PRAMEF12: variants seen among roughly 807,000 people sequenced by gnomAD.
PRAMEF12 encodes the protein PRAME family member 12.
A neutral mutation model predicts 24.6 loss-of-function variants in PRAMEF12; 24 were observed. The observed-to-expected ratio is 0.98, with a 90% confidence interval of 0.71 to 1.37. The LOEUF (loss-of-function observed/expected upper bound fraction) is 1.37, where lower values mean the gene tolerates loss of function less well. PRAMEF12 is among the 40% of genes most tolerant of loss of function. The pLI is 0.00. For synonymous variants in PRAMEF12, 286 were observed against 242.6 expected (o/e 1.18, Z -1.66); for missense variants, 646 against 580.3 (o/e 1.11, Z -1.16).
In PRAMEF12 at chr1:12,774,962, C is replaced by T. The variant is rs751269579; in HGVS notation, c.95C>T (p.Pro32Leu). 52 of 1,613,924 alleles carry T rather than the reference C, an allele frequency of 3.2e-5. No homozygotes were observed. The highest frequency in any genetic ancestry group is 4.2e-5 in the Non-Finnish European group (49 of 1,180,004). Residue 32 changes from proline to leucine, a missense_variant, in exon 1 of 3, where the codon CCC becomes CTC. Pro to Leu is a moderately conservative substitution (Grantham distance 98). Transcript: ENST00000357726. ...GCCATCCCCACCCTGGAGGAGCTGC[C>T]CAGGGAGCTCTTTCCCCCACTGTTC... is the stretch of plus-strand genomic sequence containing the variant. Reference protein sequence around the residue: ...ALAIPTLEELPRELFPPLFME... With the variant: ...ALAIPTLEELLRELFPPLFME...
Position 12,777,326 on chromosome 1 carries a change from G to T in PRAMEF12, c.1179G>T (p.Leu393=), listed in dbSNP as rs775731012. ...GGAACCTCATCTCCATGGCCGCCCT[G>T]GAGAACCTGCTGCGCCACACCGTCG... ...FCGNLISMAA[L]ENLLRHTVGL... Residue 393 remains leucine, a synonymous_variant, in exon 3 of 3, where the codon CTG becomes CTT. Coordinates refer to ENST00000357726, the MANE Select transcript of PRAMEF12 (RefSeq NM_001080830.5). The T allele has an allele frequency of 1.6e-5, 26 of 1,613,064 alleles. No homozygotes were observed. The Admixed American group carries it at 2.0e-4, about 12-fold the overall frequency.
At chr1:12,775,490 TA>T (rs1292897052) in intron 1 of PRAMEF12, 52 bp from the exon 2 acceptor site, 7 of 1,506,780 alleles carry the variant, frequency 4.6e-6, no homozygotes, top group Non-Finnish European at 5.4e-6. Flanking sequence ...GGGATGTGGA[TA>T]AAAGCTCAAA....
rs1213854854 is a variant in PRAMEF12 at position 12,775,585 on chromosome 1, G to T, written c.330G>T (p.Glu110Asp). 1.2e-6 allele frequency: 2 copies of T among 1,613,450 alleles called. No individual in the cohort carries two copies. Among genetic ancestry groups the T allele is most frequent in the Admixed American group, 3.3e-5 (2 of 59,982 alleles). The change falls in exon 2 of 3, where the codon GAG (glutamate) becomes GAT (aspartate). Residue 110 changes from glutamate to aspartate, a missense_variant. Glu to Asp is a conservative substitution (Grantham distance 45, BLOSUM62 2). Coordinates refer to ENST00000357726, the MANE Select transcript of PRAMEF12 (RefSeq NM_001080830.5). ...TGTTGGACTTGCGGAATGTGGATGAGAACTTCTGGGGCATATGGTCTGGAG... is the reference window on the plus strand; with the variant it reads ...TGTTGGACTTGCGGAATGTGGATGATAACTTCTGGGGCATATGGTCTGGAG... Reference protein sequence around the residue: ...LQVLDLRNVDENFWGIWSGAS... With the variant: ...LQVLDLRNVDDNFWGIWSGAS...
rs756470250 is a variant in PRAMEF12, at chr1:12,774,960, G to T, written c.93G>T (p.Leu31=). ...TGGCCATCCCCACCCTGGAGGAGCT[G>T]CCCAGGGAGCTCTTTCCCCCACTGT... ...RALAIPTLEE[L]PRELFPPLFM... is the part of the protein sequence containing the mutation. Residue 31 remains leucine, a synonymous_variant, in exon 1 of 3, where the codon CTG becomes CTT. Coordinates refer to ENST00000357726, the MANE Select transcript of PRAMEF12 (RefSeq NM_001080830.5). 2 of 1,614,092 alleles carry T rather than the reference G, an allele frequency of 1.2e-6. No individual in the cohort carries two copies. Among genetic ancestry groups the T allele is most frequent in the Non-Finnish European group, 1.7e-6 (2 of 1,180,004 alleles).
At position 12,777,558 on chromosome 1, in the gene PRAMEF12, C is replaced by T; in HGVS notation, c.1411C>T (p.His471Tyr). Residue 471 changes from histidine (H) to tyrosine (Y), a missense_variant, in exon 3 of 3, where the codon CAC (histidine) becomes TAC (tyrosine). His to Tyr is a moderately conservative substitution (Grantham distance 83). Transcript: ENST00000357726. ...IRASYDLEPS[H>Y]CLLNACCQGG... ...GGCCTCCTATGACCTGGAGCCCAGT[C>T]ACTGTCTGTTGAATGCCTGCTGTCA... 1 of 1,614,024 alleles carries T rather than the reference C, an allele frequency of 6.2e-7. No homozygotes were observed. Among genetic ancestry groups the T allele is most frequent in the Non-Finnish European group, 8.5e-7 (1 of 1,179,992 alleles).
In PRAMEF12 at chr1:12,774,736, A is replaced by G; in HGVS notation, c.-132A>G. 1.2e-6 allele frequency: 1 copy of G among 840,676 alleles called. No individual in the cohort carries two copies. The highest frequency in any genetic ancestry group is 1.9e-5 in the South Asian group (1 of 54,036). The allele number at this position is 840,676 out of a possible 1,614,324, so 52.1% of individuals were successfully genotyped here. A position where few individuals can be genotyped will look rare whatever the true frequency, so the allele number is the denominator to read the frequency against. ...GGCAGAATTACAGATTTGTGTCCAG[A>G]AAGTGCAGAGTGGAATTGGGGTGAA... On this transcript the variant is annotated 5_prime_UTR_variant, in exon 1 of 3. Transcript: ENST00000357726.
rs759618633 is a variant in PRAMEF12 at position 12,777,256 on chromosome 1, C to A, written c.1109C>A (p.Pro370His). The A allele has an allele frequency of 6.2e-7, 1 of 1,612,504 alleles. No homozygotes were observed. Among genetic ancestry groups the A allele is most frequent in the South Asian group, 1.1e-5 (1 of 91,002 alleles). The change falls in exon 3 of 3, where the codon CCT becomes CAT. Residue 370 changes from proline (P) to histidine (H), a missense_variant. Transcript: ENST00000357726. ...IVDSQLSAIL[P>H]ALSRCSQLST... ...GATTCCCAACTCAGCGCCATCCTGC[C>A]TGCCCTGAGCCGCTGCTCCCAGCTC...
In PRAMEF12 at chr1:12,775,840, G is replaced by T. The variant is rs768871029; in HGVS notation, c.585G>T (p.Glu195Asp). The T allele has an allele frequency of 9.9e-6, 16 of 1,613,940 alleles. No individual in the cohort carries two copies. The highest frequency in any genetic ancestry group is 2.2e-5 in the East Asian group (1 of 44,870). The change falls in exon 2 of 3, where the codon GAG becomes GAT. Residue 195 changes from glutamate to aspartate, a missense_variant. Glu to Asp is a conservative substitution (Grantham distance 45). Transcript: ENST00000357726. The stretch of plus-strand genomic sequence containing the variant: ...GAATAGCCATCCACAGGATCATAGA[G>T]GTCCTGAACACGGTGGAGCTAGACT... The part of the protein sequence containing the change: ...IFGIAIHRII[E>D]VLNTVELDCI...
chr1:12,777,038 C>A lies in PRAMEF12; in HGVS notation c.891C>A (p.Val297=). 2 of 1,608,498 alleles carry A rather than the reference C, an allele frequency of 1.2e-6. No individual in the cohort carries two copies. Among genetic ancestry groups the A allele is most frequent in the Non-Finnish European group, 8.5e-7 (1 of 1,177,132 alleles). ...LRCLQAPLET[V]VMTECLLSES... is the part of the protein sequence containing the mutation. ...GTCTCCAGGCCCCCTTGGAGACAGT[C>A]GTAATGACCGAATGCCTGCTGTCAG... The change falls in exon 3 of 3, where the codon GTC becomes GTA. Residue 297 remains valine, a synonymous_variant. Coordinates refer to ENST00000357726, the MANE Select transcript of PRAMEF12 (RefSeq NM_001080830.5).
Position 12,775,924 on chromosome 1 carries a change from C to G in PRAMEF12, c.669C>G (p.Ala223=), listed in dbSNP as rs752435970. 2.5e-5 allele frequency: 41 copies of G among 1,613,960 alleles called. No individual in the cohort carries two copies. Among genetic ancestry groups the G allele is most frequent in the Non-Finnish European group, 3.4e-5 (40 of 1,180,036 alleles). The change falls in exon 2 of 3, where the codon GCC becomes GCG. Residue 223 remains alanine (A), a synonymous_variant. Coordinates refer to ENST00000357726, the MANE Select transcript of PRAMEF12 (RefSeq NM_001080830.5). ...PWELSILIRF[A]PYLGQMRNLR... ...AGCTGTCCATTCTTATAAGGTTCGCCCCTTACCTGGGCCAGATGAGGAATC... is the reference window on the plus strand; with the variant it reads ...AGCTGTCCATTCTTATAAGGTTCGCGCCTTACCTGGGCCAGATGAGGAATC...
intron 2 of PRAMEF12, among the ~76,000 whole-genome samples, chr1:12,776,669 C>T (rs1411486350): frequency 6.6e-6 from 1 of 152,092 alleles, no homozygotes; most frequent in Non-Finnish European, 1.5e-5. Context: ...GTCAGGGTCT[C>T]CTGCAGCCTG....
rs553503544 is a variant in PRAMEF12 at position 12,774,991 on chromosome 1, G to A, written c.124G>A (p.Glu42Lys). ...PRELFPPLFM[E>K]AFTRRCCETL... ...GGAGCTCTTTCCCCCACTGTTCATGGAGGCCTTTACCAGGAGATGCTGCGA... is the reference window on the plus strand; with the variant it reads ...GGAGCTCTTTCCCCCACTGTTCATGAAGGCCTTTACCAGGAGATGCTGCGA... The change falls in exon 1 of 3, where the codon GAG becomes AAG. Residue 42 changes from glutamate to lysine, a missense_variant. Glu to Lys is a moderately conservative substitution (Grantham distance 56). Coordinates refer to ENST00000357726, the MANE Select transcript of PRAMEF12 (RefSeq NM_001080830.5). The A allele has an allele frequency of 6.2e-7, 1 of 1,614,096 alleles. No homozygotes were observed. The highest frequency in any genetic ancestry group is 8.5e-7 in the Non-Finnish European group (1 of 1,180,012).
Position 12,774,722 on chromosome 1 carries a change from A to G in PRAMEF12, c.-146A>G, listed in dbSNP as rs1420453772. The G allele has an allele frequency of 5.4e-6, 4 of 746,038 alleles. No homozygotes were observed. The highest frequency in any genetic ancestry group is 8.6e-6 in the Non-Finnish European group (4 of 465,518). 46.2% of individuals were successfully genotyped at this position (746,038 alleles called of 1,614,324 possible). On this transcript the variant is annotated 5_prime_UTR_variant, in exon 1 of 3. Coordinates refer to ENST00000357726, the MANE Select transcript of PRAMEF12 (RefSeq NM_001080830.5). Reference sequence around the variant, plus strand: ...ATGGTACCAGCAAGGGCAGAATTACAGATTTGTGTCCAGAAAGTGCAGAGT... The same window carrying G: ...ATGGTACCAGCAAGGGCAGAATTACGGATTTGTGTCCAGAAAGTGCAGAGT...
chr1:12,777,778 C>A lies in PRAMEF12; in HGVS notation c.*179C>A, dbSNP rs192122324. On this transcript the variant is annotated 3_prime_UTR_variant, in exon 3 of 3. Transcript: ENST00000357726. ...CAATAGGAGCTTTAGAGACCTGTGT[C>A]CCAGAGAATCAGAAATGGGAATCTG... The A allele has an allele frequency of 4.4e-6, 3 of 674,994 alleles. No individual in the cohort carries two copies. In the East Asian group the frequency reaches 8.2e-5, roughly 18 times the overall value. 41.8% of individuals were successfully genotyped at this position (674,994 alleles called of 1,614,324 possible).
Position 12,775,669 on chromosome 1 carries a change from G to C in PRAMEF12, c.414G>C (p.Arg138Ser). Residue 138 changes from arginine to serine, a missense_variant, in exon 2 of 3, where the codon AGG becomes AGC. By Grantham distance (110) the Arg-to-Ser change is moderately radical. Coordinates refer to ENST00000357726, the MANE Select transcript of PRAMEF12 (RefSeq NM_001080830.5). Reference protein sequence around the residue: ...SKRRTAGNCPRPGGQQPLMVI... With the variant: ...SKRRTAGNCPSPGGQQPLMVI... ...GACGAACAGCAGGGAACTGTCCAAG[G>C]CCGGGTGGGCAGCAGCCCTTGATGG... The C allele has an allele frequency of 6.2e-7, 1 of 1,613,950 alleles. No individual in the cohort carries two copies. Among genetic ancestry groups the C allele is most frequent in the Non-Finnish European group, 8.5e-7 (1 of 1,179,992 alleles).
Position 12,777,114 on chromosome 1 carries a change from G to A in PRAMEF12, c.967G>A (p.Glu323Lys), listed in dbSNP as rs1383590063. 1 of 1,614,026 alleles carries A rather than the reference G, an allele frequency of 6.2e-7. No individual in the cohort carries two copies. The highest frequency in any genetic ancestry group is 8.5e-7 in the Non-Finnish European group (1 of 1,180,012). The change falls in exon 3 of 3, where the codon GAG becomes AAG. Residue 323 changes from glutamate (E) to lysine (K), a missense_variant. Glu to Lys is a moderately conservative substitution (Grantham distance 56). Transcript: ENST00000357726. ...GTGCCCGAGCATCCGTCAGCTAAAA[G>A]AGCTAGACCTGAGGGGCATCACACT... ...SWCPSIRQLK[E>K]LDLRGITLTH...
At position 12,775,789 on chromosome 1, in the gene PRAMEF12, G is replaced by A. The variant is rs976100660; in HGVS notation, c.534G>A (p.Val178=). 1.1e-5 allele frequency: 18 copies of A among 1,613,918 alleles called. No homozygotes were observed. Among genetic ancestry groups the A allele is most frequent in the Non-Finnish European group, 1.5e-5 (18 of 1,179,992 alleles). Residue 178 remains valine (V), a synonymous_variant, in exon 2 of 3, where the codon GTG becomes GTA. Coordinates refer to ENST00000357726, the MANE Select transcript of PRAMEF12 (RefSeq NM_001080830.5). ...WGKQRKGLLH[V]CCKELQIFGI... is the part of the protein sequence containing the mutation. ...AGCAGAGAAAAGGCTTACTGCACGT[G>A]TGTTGCAAGGAGCTGCAGATTTTTG...
chr1:12,776,781 C>A (rs958424061), intron 2 of PRAMEF12, among the ~76,000 whole-genome samples: 2 of 152,094 alleles, frequency 1.3e-5, no homozygotes, highest in Admixed American at 6.6e-5. Context: ...CTACCTGACA[C>A]ATGAGGAAAG....
chr1:12,775,706 C>A lies in PRAMEF12; in HGVS notation c.451C>A (p.Leu151Ile). 1.2e-6 allele frequency: 2 copies of A among 1,613,822 alleles called. No individual in the cohort carries two copies. ...GQQPLMVILDLCFKNGTLDEC... is the reference protein window; with the variant it reads ...GQQPLMVILDICFKNGTLDEC... ...GCAGCCCTTGATGGTGATCCTAGAC[C>A]TTTGCTTCAAGAATGGGACGCTGGA... Residue 151 changes from leucine (L) to isoleucine (I), a missense_variant, in exon 2 of 3, where the codon CTT (leucine) becomes ATT (isoleucine). Physicochemically the swap from Leu to Ile is conservative, Grantham distance 5 (BLOSUM62 2). Transcript: ENST00000357726.
Sources: allele counts gnomAD v4.1 joint callset (sites outside exome capture counted in the v4.1 genomes callset), GRCh38; gene constraint gnomAD v4.1.1; transcripts MANE v1.5; gene names NCBI Gene and HGNC (gene_info 2026-07-23, HGNC 2026-07-21).